CAT: variants seen among roughly 807,000 people sequenced by gnomAD.
CAT encodes the protein catalase.
A neutral mutation model predicts 59.0 loss-of-function variants in CAT; 43 were observed. The ratio of observed to expected loss-of-function variants is 0.73; its 90% CI spans 0.57 to 0.94. The LOEUF is 0.94. CAT is among the 40% of genes least tolerant of loss of function. The probability of loss-of-function intolerance (pLI) is 0.00; values close to 1 mark genes in which losing one functional copy is unlikely to be tolerated. For synonymous variants in CAT, 218 were observed against 230.9 expected (o/e 0.94, Z 0.51); for missense variants, 664 against 682.9 (o/e 0.97, Z 0.31).
intron 8 of CAT, 47 bp from the exon 9 acceptor site, chr11:34,461,204 T>TA (rs1856645638): frequency 1.2e-6 from 2 of 1,603,486 alleles, no homozygotes; most frequent in Non-Finnish European, 1.7e-6. Flanking sequence ...ATTCCTATGT[T>TA]ATATGTTACT....
chr11:34,460,446 C>CCTTTTTTT (rs764827639), intron 8 of CAT, among the ~76,000 whole-genome samples: 5 of 84,490 alleles, frequency 5.9e-5, no homozygotes, highest in Non-Finnish European at 8.8e-5. Flanking sequence ...GTGGGCGGTA[C>CCTTTTTTT]TTTTTTTTTT....
intron 1 of CAT, among the ~76,000 whole-genome samples, chr11:34,444,539 A>G (rs1590298538): frequency 6.6e-6 from 1 of 152,278 alleles, no homozygotes; most frequent in South Asian, 2.1e-4. Flanking sequence ...ATCTTTGTTG[A>G]ATAAATGGAG....
intron 10 of CAT, among the ~76,000 whole-genome samples, chr11:34,466,981 T>C (rs1856726934): frequency 6.6e-6 from 1 of 152,056 alleles, no homozygotes; most frequent in African/African-American, 2.4e-5. Context: ...ACAATAGATG[T>C]TATCAAGACT....
intron 1 of CAT, among the ~76,000 whole-genome samples, chr11:34,443,276 A>C (rs1277167909): frequency 2.0e-5 from 3 of 152,208 alleles, no homozygotes; most frequent in Non-Finnish European, 4.4e-5. Context: ...TTGGAAACAC[A>C]GTCAACCATG....
At chr11:34,447,700 G>A (rs1221404912) in intron 1 of CAT, among the ~76,000 whole-genome samples, 1 of 152,182 alleles carries the variant, frequency 6.6e-6, no homozygotes, top group Non-Finnish European at 1.5e-5. Context: ...TGCTCCTTCT[G>A]CTGCGAGGTC....
intron 2 of CAT, among the ~76,000 whole-genome samples, chr11:34,450,057 C>T (rs1178221684): frequency 6.6e-6 from 1 of 152,138 alleles, no homozygotes; most frequent in African/African-American, 2.4e-5. Flanking sequence ...AGGAGAAAAC[C>T]TATCTAGACA....
At chr11:34,453,543 C>G (rs928057528) in intron 5 of CAT, among the ~76,000 whole-genome samples, 3 of 152,112 alleles carry the variant, frequency 2.0e-5, no homozygotes, top group Admixed American at 6.5e-5. Context: ...ACAAATTAGG[C>G]CAGTTTTCAG....
intron 4 of CAT, 27 bp from the exon 5 acceptor site, chr11:34,453,063 A>AT (rs1212882589): frequency 1.4e-6 from 2 of 1,467,238 alleles, no homozygotes; most frequent in Non-Finnish European, 1.9e-6. Context: ...TAGTTTTTGG[A>AT]TTTTTTTCTC....
intron 1 of CAT, among the ~76,000 whole-genome samples, chr11:34,447,139 T>C (rs1485093330): frequency 6.6e-6 from 1 of 152,198 alleles, no homozygotes; most frequent in Non-Finnish European, 1.5e-5. Flanking sequence ...TTGCTCTGGC[T>C]CTCTAATTAT....
intron 8 of CAT, chr11:34,460,690 C>T (rs999309063): frequency 1.8e-5 from 3 of 169,062 alleles, no homozygotes; most frequent in East Asian, 1.6e-4. Flanking sequence ...TGGGCCCAAG[C>T]GATCCTCTCA....
intron 8 of CAT, among the ~76,000 whole-genome samples, chr11:34,458,197 C>T (rs1202345849): frequency 6.6e-6 from 1 of 152,156 alleles, no homozygotes; most frequent in East Asian, 1.9e-4. Flanking sequence ...TAAAATGCGG[C>T]AGGAGAAGGA....
rs780179243 is a variant in CAT, at chr11:34,456,030, A to G, written c.731A>G (p.Asn244Ser). The G allele has an allele frequency of 1.2e-6, 2 of 1,614,088 alleles. No homozygotes were observed. The highest frequency in any genetic ancestry group is 1.7e-5 in the Admixed American group (1 of 60,002). The change falls in exon 7 of 13, where the codon AAC (asparagine) becomes AGC (serine). Residue 244 changes from asparagine to serine, a missense_variant. Asn to Ser is a conservative substitution (Grantham distance 46). Coordinates refer to ENST00000241052, the MANE Select transcript of CAT (RefSeq NM_001752.4). ...TTGTAGACTGACCAGGGCATCAAAA[A>G]CCTTTCTGTTGAAGATGCGGCGAGA... Reference protein sequence around the residue: ...FHYKTDQGIKNLSVEDAARLS... With the variant: ...FHYKTDQGIKSLSVEDAARLS...
At chr11:34,444,710 T>C (rs1001271911) in intron 1 of CAT, among the ~76,000 whole-genome samples, 2 of 152,202 alleles carry the variant, frequency 1.3e-5, no homozygotes, top group Non-Finnish European at 2.9e-5. Flanking sequence ...CTTCTGTGAG[T>C]GAAGGGAACT....
rs200381065 is a variant in CAT, at chr11:34,456,675, A to C, written c.914A>C (p.His305Pro). Residue 305 changes from histidine (H) to proline (P), a missense_variant, in exon 8 of 13, where the codon CAC becomes CCC. Physicochemically the swap from His to Pro is moderately conservative, Grantham distance 77. Transcript: ENST00000241052. ...NPFDLTKVWP[H>P]KDYPLIPVGK... is the part of the protein sequence containing the mutation. ...TGACATCATTTTCAGGTTTGGCCTC[A>C]CAAGGACTACCCTCTCATCCCAGTT... The C allele has an allele frequency of 1.2e-6, 2 of 1,614,112 alleles. No individual in the cohort carries two copies. Among genetic ancestry groups the C allele is most frequent in the East Asian group, 4.5e-5 (2 of 44,888 alleles).
intron 8 of CAT, among the ~76,000 whole-genome samples, chr11:34,457,443 G>T (rs1320556675): frequency 1.3e-5 from 2 of 152,066 alleles, no homozygotes; most frequent in Non-Finnish European, 2.9e-5. Context: ...CTGACCTCAA[G>T]TGATCTGCCT....
At chr11:34,451,438 C>A (rs932828118) in intron 3 of CAT, among the ~76,000 whole-genome samples, 2 of 152,214 alleles carry the variant, frequency 1.3e-5, no homozygotes, top group African/African-American at 4.8e-5. Context: ...AGAATTAATT[C>A]TGTGCCAACT....
intron 8 of CAT, among the ~76,000 whole-genome samples, chr11:34,459,322 A>G (rs1276283498): frequency 6.6e-6 from 1 of 152,164 alleles, no homozygotes; most frequent in Non-Finnish European, 1.5e-5. Flanking sequence ...GCTCATGAGT[A>G]TTGTAGCCTA....
intron 2 of CAT, among the ~76,000 whole-genome samples, chr11:34,450,452 CT>C (rs1590301371): frequency 6.6e-6 from 1 of 152,192 alleles, no homozygotes; most frequent in African/African-American, 2.4e-5. Flanking sequence ...GGAAGTTTTT[CT>C]CTTAGCTTGC....
Sources: gnomAD v4.1 joint callset for allele counts (sites outside exome capture counted in the v4.1 genomes callset) on GRCh38, gnomAD v4.1.1 for gene constraint, MANE v1.5 for transcripts, NCBI Gene and HGNC (gene_info 2026-07-23, HGNC 2026-07-21) for gene names.